Variants in MRPS27 observed in about 807,000 individuals in gnomAD.
The protein encoded by MRPS27 is mitochondrial ribosomal protein S27.
In MRPS27, 43 loss-of-function variants were observed where a neutral mutation model predicts 48.9. The ratio of observed to expected loss-of-function variants is 0.88; its 90% confidence interval spans 0.69 to 1.13. MRPS27 has a LOEUF of 1.13. Ranked by LOEUF, MRPS27 falls within the 50% of genes most tolerant of loss-of-function variation. The pLI, the probability that MRPS27 is intolerant of heterozygous loss-of-function variation, is 0.00. For synonymous variants in MRPS27, 188 were observed against 171.9 expected (o/e 1.09, Z -0.73); for missense variants, 467 against 476.3 (o/e 0.98, Z 0.18).
chr5:72,298,423 T>C (rs929297906), intron 2 of MRPS27, among the ~76,000 whole-genome samples: 8 of 152,158 alleles, frequency 5.3e-5, no homozygotes, highest in Admixed American at 5.2e-4. Context: ...GCTTATACAC[T>C]GTTGGTAAGA....
intron 2 of MRPS27, among the ~76,000 whole-genome samples, chr5:72,301,189 C>T (rs1176374396): frequency 6.6e-6 from 1 of 152,172 alleles, no homozygotes; most frequent in Non-Finnish European, 1.5e-5. Flanking sequence ...TCAGTACCTA[C>T]TGGGGGAAAA....
intron 4 of MRPS27, among the ~76,000 whole-genome samples, chr5:72,243,915 C>T (rs932908712): frequency 6.6e-6 from 1 of 152,172 alleles, no homozygotes; most frequent in African/African-American, 2.4e-5. Context: ...GATAAGCCCC[C>T]TTTGTAGTCA....
chr5:72,226,368 G>A, intron 8 of MRPS27, 169 bp from the exon 9 acceptor site: 1 of 680,734 alleles, frequency 1.5e-6, no homozygotes, highest in Non-Finnish European at 2.4e-6. Context: ...ACTTCAGATG[G>A]ATAATGACGA....
At chr5:72,236,469 C>G (rs1362227133) in intron 5 of MRPS27, among the ~76,000 whole-genome samples, 2 of 152,146 alleles carry the variant, frequency 1.3e-5, no homozygotes, top group South Asian at 4.1e-4. Flanking sequence ...ACTCAAGAAG[C>G]AGCAAAAATT....
intron 1 of MRPS27, among the ~76,000 whole-genome samples, chr5:72,316,765 C>T (rs918636575): frequency 2.0e-4 from 30 of 151,792 alleles, no homozygotes; most frequent in Admixed American, 5.9e-4. Flanking sequence ...TGCAGTGGCT[C>T]ATGCCTGTAA....
chr5:72,246,376 T>C (rs2289279), intron 4 of MRPS27, among the ~76,000 whole-genome samples: 19,235 of 152,182 alleles, frequency 0.13, 1,590 homozygotes, highest in East Asian at 0.36. Flanking sequence ...TCCTCACTTA[T>C]TCCCCCTACT....
intron 9 of MRPS27, among the ~76,000 whole-genome samples, chr5:72,224,061 T>C (rs529032593): frequency 6.6e-6 from 1 of 152,192 alleles, no homozygotes; most frequent in African/African-American, 2.4e-5. Context: ...ACAAGACAAA[T>C]AGTAGAAATA....
At chr5:72,311,700 C>T (rs906516630) in intron 2 of MRPS27, among the ~76,000 whole-genome samples, 28 of 152,334 alleles carry the variant, frequency 1.8e-4, no homozygotes, top group African/African-American at 6.7e-4. Context: ...CACCCCTCAA[C>T]GCTGGCCTTC....
chr5:72,225,075 G>A (rs2111934123), intron 9 of MRPS27, among the ~76,000 whole-genome samples: 1 of 152,296 alleles, frequency 6.6e-6, no homozygotes, highest in Non-Finnish European at 1.5e-5. Context: ...GAGATTGGAA[G>A]GAATATTTCC....
chr5:72,301,383 T>A (rs1750123369), intron 2 of MRPS27, among the ~76,000 whole-genome samples: 1 of 152,218 alleles, frequency 6.6e-6, no homozygotes, highest in Admixed American at 6.5e-5. Flanking sequence ...AATGTCTCTC[T>A]CATAATAGCA....
At chr5:72,310,444 C>T (rs752249150) in intron 2 of MRPS27, among the ~76,000 whole-genome samples, 9 of 152,232 alleles carry the variant, frequency 5.9e-5, no homozygotes, top group East Asian at 1.9e-4. Flanking sequence ...GAAAGGGCTT[C>T]TATCAGCCAA....
intron 4 of MRPS27, among the ~76,000 whole-genome samples, chr5:72,251,539 G>A (rs774320732): frequency 2.6e-5 from 4 of 152,118 alleles, no homozygotes; most frequent in Non-Finnish European, 5.9e-5. Flanking sequence ...AATACAATGG[G>A]GATTATACTG....
intron 6 of MRPS27, 22 bp from the exon 7 acceptor site, chr5:72,232,580 A>G: frequency 6.6e-7 from 1 of 1,518,524 alleles, no homozygotes; most frequent in Non-Finnish European, 9.1e-7. Flanking sequence ...TGAAAGTAAA[A>G]AAGAGAGGAA....
intron 6 of MRPS27, among the ~76,000 whole-genome samples, chr5:72,233,802 T>C (rs985732407): frequency 7.2e-5 from 11 of 152,158 alleles, no homozygotes; most frequent in African/African-American, 2.7e-4. Context: ...TCCAAAATTA[T>C]ACTTGAAAAA....
At chr5:72,231,353 T>C (rs1391031914) in intron 7 of MRPS27, among the ~76,000 whole-genome samples, 1 of 152,168 alleles carries the variant, frequency 6.6e-6, no homozygotes, top group Non-Finnish European at 1.5e-5. Flanking sequence ...CTAAGAAATA[T>C]TTCCTTAAGG....
intron 1 of MRPS27, 27 bp downstream of exon 1, chr5:72,320,122 G>A (rs1422215810): frequency 6.2e-7 from 1 of 1,605,476 alleles, no homozygotes; most frequent in Admixed American, 1.7e-5. Flanking sequence ...AGAATAATCA[G>A]GGGCCTAATG....
intron 4 of MRPS27, among the ~76,000 whole-genome samples, chr5:72,279,756 T>C (rs1249597554): frequency 6.8e-6 from 1 of 147,684 alleles, no homozygotes; most frequent in Admixed American, 6.6e-5. Context: ...TCTTTTGTTA[T>C]GTTTTTTGTG....
chr5:72,258,891 C>T (rs1431034645), intron 4 of MRPS27, among the ~76,000 whole-genome samples: 1 of 152,148 alleles, frequency 6.6e-6, no homozygotes, highest in Non-Finnish European at 1.5e-5. Context: ...TCTCAGTCTC[C>T]AGCGTAAACA....
Position 72,278,291 on chromosome 5 carries a change from A to C in MRPS27, c.281+17240T>G, listed in dbSNP as rs911545405. On this transcript the variant is annotated intron_variant, in intron 4 of 10. Coordinates refer to ENST00000261413, the MANE Select transcript of MRPS27 (RefSeq NM_015084.3). ...CCCTGTCTCTACTAAAGATACAAAAAAATTAGCTGGGCATGGTGGCGAGCG... is the reference window on the plus strand; with the variant it reads ...CCCTGTCTCTACTAAAGATACAAAACAATTAGCTGGGCATGGTGGCGAGCG... Among the ~76,000 whole-genome samples the C allele has an allele frequency of 7.9e-5, 12 of 152,018 alleles. No homozygotes were observed. In the East Asian group the frequency reaches 2.1e-3, roughly 27 times the overall value.
Sources: allele counts gnomAD v4.1 joint callset (sites outside exome capture counted in the v4.1 genomes callset), GRCh38; gene constraint gnomAD v4.1.1; transcripts MANE v1.5; gene names NCBI Gene and HGNC (gene_info 2026-07-23, HGNC 2026-07-21).